SPIDR: variants seen among roughly 807,000 people sequenced by gnomAD.
SPIDR encodes DNA repair-scaffolding protein.
In SPIDR, 93 loss-of-function variants were observed where a neutral mutation model predicts 104.6. That is an observed-to-expected ratio of 0.89 (90% confidence interval 0.75 to 1.06). The LOEUF (loss-of-function observed/expected upper bound fraction) is 1.06. SPIDR is among the 50% of genes least tolerant of loss of function. The pLI, the probability that SPIDR is intolerant of heterozygous loss-of-function variation, is 0.00. For synonymous variants in SPIDR, 431 were observed against 416.9 expected (o/e 1.03, Z -0.41); for missense variants, 1,154 against 1,111.2 (o/e 1.04, Z -0.55).
rs1174092874 is a variant in SPIDR at position 47,735,390 on chromosome 8, C to G, written c.2688C>G (p.Ser896Arg). 1 of 1,613,962 alleles carries G rather than the reference C, an allele frequency of 6.2e-7. No homozygotes were observed. Among genetic ancestry groups the G allele is most frequent in the African/African-American group, 1.3e-5 (1 of 74,928 alleles). Residue 896 changes from serine (S) to arginine (R), a missense_variant, in exon 20 of 20, where the codon AGC becomes AGG. Coordinates refer to ENST00000297423, the MANE Select transcript of SPIDR (RefSeq NM_001080394.4). ...AGTCCGTAACCGCCCACCCGACCAG[C>G]TGCATTGGATTGGAGGAAATCGAGC... is the stretch of plus-strand genomic sequence containing the variant. ...FVQSVTAHPTSCIGLEEIELL... is the reference protein window; with the variant it reads ...FVQSVTAHPTRCIGLEEIELL...
In SPIDR at chr8:47,729,058, GGCCAGA is replaced by G; in HGVS notation, c.2550+14_2550+19del. 6.2e-7 allele frequency: 1 copy of G among 1,613,604 alleles called. No homozygotes were observed. The highest frequency in any genetic ancestry group is 8.5e-7 in the Non-Finnish European group (1 of 1,179,918). The stretch of plus-strand genomic sequence containing the variant: ...AGAGTGAAGGTCAAGGTAGGAGCCA[GGCCAGA>G]GCACGCACGCACTCCTAGCTCACTC... On this transcript the variant is annotated intron_variant, in intron 18 of 19. Coordinates refer to ENST00000297423, the MANE Select transcript of SPIDR (RefSeq NM_001080394.4).
chr8:47,557,427 A>G (rs1180333803), intron 8 of SPIDR, among the ~76,000 whole-genome samples: 1 of 152,174 alleles, frequency 6.6e-6, no homozygotes, highest in East Asian at 1.9e-4. Context: ...AGTTGCAGGG[A>G]GATTATGAGC....
In SPIDR at chr8:47,291,021, T is replaced by C; in HGVS notation, c.257-12T>C. 6 of 1,595,232 alleles carry C rather than the reference T, an allele frequency of 3.8e-6. No individual in the cohort carries two copies. The highest frequency in any genetic ancestry group is 5.1e-6 in the Non-Finnish European group (6 of 1,167,012). On this transcript the variant is annotated splice_polypyrimidine_tract_variant and intron_variant, in intron 3 of 19. Transcript: ENST00000297423. ...GGAGATCATATTTATGTGCTTTCTT[T>C]TCCTTCAACAGAAACCACCACATCT... is the stretch of plus-strand genomic sequence containing the variant.
chr8:47,673,820 G>T lies in SPIDR; in HGVS notation c.1564G>T (p.Asp522Tyr), dbSNP rs1367705146. 6.2e-7 allele frequency: 1 copy of T among 1,614,156 alleles called. No individual in the cohort carries two copies. Among genetic ancestry groups the T allele is most frequent in the South Asian group, 1.1e-5 (1 of 91,082 alleles). The change falls in exon 11 of 20, where the codon GAT (aspartate) becomes TAT (tyrosine). Residue 522 changes from aspartate to tyrosine, a missense_variant. By Grantham distance (160) the Asp-to-Tyr change is radical. Coordinates refer to ENST00000297423, the MANE Select transcript of SPIDR (RefSeq NM_001080394.4). The part of the protein sequence containing the change: ...AGTRACLLVQ[D>Y]ACGMFGEVHL... ...TTACAGAGCCTGCCTTCTGGTACAA[G>T]ATGCCTGTGGAATGTTCGGTGAAGT...
chr8:47,429,809 AT>A (rs1394286716), intron 7 of SPIDR, among the ~76,000 whole-genome samples: 36 of 143,800 alleles, frequency 2.5e-4, no homozygotes, highest in East Asian at 8.1e-4. Context: ...GCTTATATAT[AT>A]TTTTTTTATT....
At position 47,297,885 on chromosome 8, in the gene SPIDR, C is replaced by T. The variant is rs997438523; in HGVS notation, c.525+3855C>T. 1.8e-4 allele frequency among the ~76,000 whole-genome samples: 27 copies of T among 152,288 alleles called. No individual in the cohort carries two copies. The East Asian group carries it at 5.2e-3, about 29-fold the overall frequency. On this transcript the variant is annotated intron_variant, in intron 5 of 19. Coordinates refer to ENST00000297423, the MANE Select transcript of SPIDR (RefSeq NM_001080394.4). Reference sequence around the variant, plus strand: ...TTGGACATTTGGGTTGCTTCCAAGTCTTTGCTATTGTGAATAGTGCCGCAA... The same window carrying T: ...TTGGACATTTGGGTTGCTTCCAAGTTTTTGCTATTGTGAATAGTGCCGCAA...
At chr8:47,546,416 G>A (rs2089390624) in intron 8 of SPIDR, among the ~76,000 whole-genome samples, 1 of 152,054 alleles carries the variant, frequency 6.6e-6, no homozygotes, top group African/African-American at 2.4e-5. Context: ...GTATTCCCTT[G>A]TTATCCTTTT....
rs1388230042 is a variant in SPIDR at position 47,296,850 on chromosome 8, A to G, written c.525+2820A>G. Among the ~76,000 whole-genome samples the G allele has an allele frequency of 7.9e-5, 12 of 152,296 alleles. 1 individual carries two copies. In the South Asian group the frequency reaches 1.2e-3, roughly 16 times the overall value. On this transcript the variant is annotated intron_variant, in intron 5 of 19. Coordinates refer to ENST00000297423, the MANE Select transcript of SPIDR (RefSeq NM_001080394.4). ...TTTGGGAAGTATGAATAGTTTAACA[A>G]TATTCTTGCATTCCATGAATATGGA...
intron 8 of SPIDR, chr8:47,547,785 GA>G: frequency 2.3e-5 from 4 of 174,494 alleles, no homozygotes; most frequent in Non-Finnish European, 2.7e-5. Flanking sequence ...TGTTCCTTAG[GA>G]AAATGATGAC....
chr8:47,659,979 C>G (rs2073824194), intron 10 of SPIDR, among the ~76,000 whole-genome samples: 2 of 152,186 alleles, frequency 1.3e-5, no homozygotes, highest in Admixed American at 6.5e-5. Flanking sequence ...TCAGCACATG[C>G]GTGCGCAGGC....
chr8:47,388,198 T>C (rs2060176676), intron 5 of SPIDR: 1 of 152,240 alleles, frequency 6.6e-6, no homozygotes, highest in African/African-American at 2.4e-5. Flanking sequence ...TTTGGAGCAC[T>C]AGTGTGAGCC....
chr8:47,677,637 C>T (rs2076605224), intron 11 of SPIDR, among the ~76,000 whole-genome samples: 3 of 152,172 alleles, frequency 2.0e-5, no homozygotes. Context: ...TTGAGAATGA[C>T]AAAGGAAGCA....
At chr8:47,454,233 TC>T (rs2072486844) in intron 8 of SPIDR, among the ~76,000 whole-genome samples, 1 of 152,268 alleles carries the variant, frequency 6.6e-6, no homozygotes, top group East Asian at 1.9e-4. Context: ...AACCCAAATG[TC>T]CATCAATAAT....
chr8:47,474,237 A>G (rs941154286), intron 8 of SPIDR, among the ~76,000 whole-genome samples: 1 of 152,216 alleles, frequency 6.6e-6, no homozygotes, highest in South Asian at 2.1e-4. Context: ...TCCTCAGCAT[A>G]TTGTGGAGTA....
At chr8:47,689,321 A>G (rs1213921759) in intron 11 of SPIDR, among the ~76,000 whole-genome samples, 1 of 152,198 alleles carries the variant, frequency 6.6e-6, no homozygotes, top group Non-Finnish European at 1.5e-5. Context: ...AGCAGAGGCT[A>G]TGGGTCTGTG....
intron 8 of SPIDR, among the ~76,000 whole-genome samples, chr8:47,486,295 T>G (rs2077605436): frequency 6.6e-6 from 1 of 151,530 alleles, no homozygotes; most frequent in African/African-American, 2.4e-5. Flanking sequence ...ACAAAAGAAG[T>G]TTAGAGAAAA....
rs2034213425 is a variant in SPIDR, at chr8:47,266,999, G to A, written c.33+6008G>A. 3.9e-5 allele frequency among the ~76,000 whole-genome samples: 6 copies of A among 152,186 alleles called. No homozygotes were observed. The South Asian group carries it at 1.2e-3, about 32-fold the overall frequency. On this transcript the variant is annotated intron_variant, in intron 1 of 19. Coordinates refer to ENST00000297423, the MANE Select transcript of SPIDR (RefSeq NM_001080394.4). ...TATAAAGTGTGGTCATTTTGTGACT[G>A]GCTTCTTTCATTAAAAATAATGTTT...
chr8:47,313,633 G>A (rs1009746576), intron 5 of SPIDR, among the ~76,000 whole-genome samples: 9 of 152,114 alleles, frequency 5.9e-5, no homozygotes, highest in Non-Finnish European at 8.8e-5. Context: ...GAACAAAGCC[G>A]GAGGCATCAC....
chr8:47,481,415 T>C (rs1378801799), intron 8 of SPIDR, among the ~76,000 whole-genome samples: 2 of 152,090 alleles, frequency 1.3e-5, no homozygotes, highest in African/African-American at 4.8e-5. Flanking sequence ...GGTGGGCAGA[T>C]CACTTGAGGC....
Sources: gnomAD v4.1 joint callset for allele counts (sites outside exome capture counted in the v4.1 genomes callset) on GRCh38, gnomAD v4.1.1 for gene constraint, MANE v1.5 for transcripts, NCBI Gene and HGNC (gene_info 2026-07-23, HGNC 2026-07-21) for gene names.